The following CDH9 variants were observed in gnomAD, a reference collection of about 807,000 sequenced individuals.
The protein encoded by CDH9 is cadherin-9.
Under a neutral mutation model 70.9 loss-of-function variants are expected in CDH9, and 28 were observed. The ratio of observed to expected loss-of-function variants is 0.40; its 90% CI spans 0.29 to 0.54. The LOEUF is 0.54. Among genes scored for constraint, CDH9 ranks in the 20% least tolerant of loss-of-function variants. The probability of loss-of-function intolerance (pLI) is 0.59; values close to 1 mark genes in which losing one functional copy is unlikely to be tolerated. For missense variants in CDH9, 874 were observed against 984.4 expected, an observed-to-expected ratio of 0.89 and a Z score of 1.50; for synonymous variants, 409 against 343.1, an observed-to-expected ratio of 1.19 and a Z score of -2.12.
At position 26,977,508 on chromosome 5, in the gene CDH9, T is replaced by C. The variant is rs745780597; in HGVS notation, c.228+10598A>G. ...GTGTATATATATATATATATATATA[T>C]GGCACTAAATAATAACCAGGAGCAA... On this transcript the variant is annotated intron_variant, in intron 2 of 11. Transcript: ENST00000231021. Among the ~76,000 whole-genome samples, 134 of 150,586 alleles carry C rather than the reference T, an allele frequency of 8.9e-4. 2 individuals carry two copies. Among genetic ancestry groups the C allele is most frequent in the Non-Finnish European group, 3.1e-4 (21 of 67,692 alleles).
rs999694354 is a variant in CDH9 at position 26,930,371 on chromosome 5, C to T, written c.229-14447G>A. On this transcript the variant is annotated intron_variant, in intron 2 of 11. Transcript: ENST00000231021. ...TATAGATGGAGGATTGGTTTCAGGG[C>T]TCTATATATGCCAAAATTCAAGCAT... Among the ~76,000 whole-genome samples, 7 of 151,916 alleles carry T rather than the reference C, an allele frequency of 4.6e-5. 1 individual carries two copies. In the East Asian group the frequency reaches 1.4e-3, roughly 29 times the overall value.
intron 1 of CDH9, among the ~76,000 whole-genome samples, chr5:27,035,678 G>A (rs959803649): frequency 7.3e-5 from 2 of 27,402 alleles, no homozygotes; most frequent in African/African-American, 1.9e-4. Flanking sequence ...CTATTGACGT[G>A]TGTGTGTGTG....
rs181362135 is a variant in CDH9 at position 27,033,608 on chromosome 5, C to A, written c.-50+4855G>T. ...ACAGGAAACTGTTACATTTCCTCTGCGGTTTACTTACCATTAAAATTTAAA... is the reference window on the plus strand; with the variant it reads ...ACAGGAAACTGTTACATTTCCTCTGAGGTTTACTTACCATTAAAATTTAAA... On this transcript the variant is annotated intron_variant, in intron 1 of 11. Coordinates refer to ENST00000231021, the MANE Select transcript of CDH9 (RefSeq NM_016279.4). Among the ~76,000 whole-genome samples, 4 of 151,090 alleles carry A rather than the reference C, an allele frequency of 2.6e-5. No individual in the cohort carries two copies. In the East Asian group the frequency reaches 5.9e-4, roughly 22 times the overall value.
In CDH9 at chr5:26,914,419, A is replaced by G. The variant is rs182873151; in HGVS notation, c.523+1211T>C. On this transcript the variant is annotated intron_variant, in intron 3 of 11. Transcript: ENST00000231021. The stretch of plus-strand genomic sequence containing the variant: ...CCAATCTAGTACTTTCCATGCAACT[A>G]AGATACTAAAAAATATAACAGGGAA... Among the ~76,000 whole-genome samples the G allele has an allele frequency of 3.8e-3, 575 of 152,092 alleles. 3 individuals carry two copies. The highest frequency in any genetic ancestry group is 0.013 in the African/African-American group (552 of 41,558).
intron 2 of CDH9, among the ~76,000 whole-genome samples, chr5:26,982,532 C>T (rs1201019035): frequency 1.3e-5 from 2 of 151,984 alleles, no homozygotes; most frequent in South Asian, 2.1e-4. Flanking sequence ...AAAATAGTAG[C>T]TAAATATTAA....
chr5:26,911,712 C>A lies in CDH9; in HGVS notation c.523+3918G>T, dbSNP rs115591986. ...AGAAATAGAAATGGAAAATACAAAA[C>A]ATTGTAATCAAAGTGTATCCCATTA... is the stretch of plus-strand genomic sequence containing the variant. On this transcript the variant is annotated intron_variant, in intron 3 of 11. Transcript: ENST00000231021. Among the ~76,000 whole-genome samples the A allele has an allele frequency of 5.4e-3, 814 of 152,038 alleles. 8 individuals are homozygous for A. Among genetic ancestry groups the A allele is most frequent in the African/African-American group, 0.019 (783 of 41,456 alleles).
chr5:26,968,563 T>C (rs1467041613), intron 2 of CDH9, among the ~76,000 whole-genome samples: 1 of 152,092 alleles, frequency 6.6e-6, no homozygotes, highest in Non-Finnish European at 1.5e-5. Flanking sequence ...TGAGGGTACA[T>C]TTTTAAAAAT....
At chr5:26,997,358 C>T (rs1221909634) in intron 1 of CDH9, among the ~76,000 whole-genome samples, 1 of 151,832 alleles carries the variant, frequency 6.6e-6, no homozygotes, top group East Asian at 1.9e-4. Flanking sequence ...TGGATTGGCC[C>T]CTTGAATGGA....
At chr5:27,012,203 A>G (rs868527579) in intron 1 of CDH9, among the ~76,000 whole-genome samples, 2 of 151,934 alleles carry the variant, frequency 1.3e-5, no homozygotes, top group Non-Finnish European at 2.9e-5. Context: ...ATTACTTAAA[A>G]TATGTAATTC....
intron 1 of CDH9, among the ~76,000 whole-genome samples, chr5:26,997,891 T>C (rs1579503235): frequency 6.6e-6 from 1 of 151,902 alleles, no homozygotes; most frequent in Admixed American, 6.6e-5. Context: ...GTAGAGAAGG[T>C]GTTTCACCAT....
Position 26,934,541 on chromosome 5 carries a change from T to C in CDH9, c.229-18617A>G, listed in dbSNP as rs80219408. On this transcript the variant is annotated intron_variant, in intron 2 of 11. Transcript: ENST00000231021. ...GTCATTAGTGAGGGGCTTGCCTCCT[T>C]GATCTAATCACCTCCCACCAGGCCC... Among the ~76,000 whole-genome samples the C allele has an allele frequency of 4.4e-3, 667 of 152,238 alleles. 3 individuals carry two copies. Among genetic ancestry groups the C allele is most frequent in the African/African-American group, 0.014 (599 of 41,564 alleles).
chr5:27,020,641 T>C (rs1200111993), intron 1 of CDH9, among the ~76,000 whole-genome samples: 3 of 151,572 alleles, frequency 2.0e-5, no homozygotes, highest in Non-Finnish European at 4.4e-5. Flanking sequence ...ACTTTTGTTT[T>C]ATACATCTTG....
At chr5:27,023,193 T>C (rs1362159057) in intron 1 of CDH9, among the ~76,000 whole-genome samples, 1 of 152,092 alleles carries the variant, frequency 6.6e-6, no homozygotes, top group Non-Finnish European at 1.5e-5. Flanking sequence ...GTAATGTATA[T>C]GGTGGAGTGT....
Position 26,941,648 on chromosome 5 carries a change from A to G in CDH9, c.229-25724T>C, listed in dbSNP as rs534632348. The stretch of plus-strand genomic sequence containing the variant: ...AGCCCCTGCAACAGAAACTGTTACA[A>G]TATCTCCAAATCTTTCACAGAGCAG... On this transcript the variant is annotated intron_variant, in intron 2 of 11. Coordinates refer to ENST00000231021, the MANE Select transcript of CDH9 (RefSeq NM_016279.4). Among the ~76,000 whole-genome samples, 13 of 152,344 alleles carry G rather than the reference A, an allele frequency of 8.5e-5. No individual in the cohort carries two copies. In the South Asian group the frequency reaches 2.7e-3, roughly 32 times the overall value.
At position 26,925,835 on chromosome 5, in the gene CDH9, G is replaced by T. The variant is rs951598311; in HGVS notation, c.229-9911C>A. Reference sequence around the variant, plus strand: ...CTTTCCCCATTTCCTGTTTTTGTCAGGTTTGTCACATGATTATCTCAATAG... The same window carrying T: ...CTTTCCCCATTTCCTGTTTTTGTCATGTTTGTCACATGATTATCTCAATAG... On this transcript the variant is annotated intron_variant, in intron 2 of 11. Transcript: ENST00000231021. Among the ~76,000 whole-genome samples the T allele has an allele frequency of 3.3e-5, 5 of 151,802 alleles. No individual in the cohort carries two copies. In the East Asian group the frequency reaches 5.8e-4, roughly 18 times the overall value.
At chr5:26,932,095 G>A (rs180722575) in intron 2 of CDH9, among the ~76,000 whole-genome samples, 1 of 151,222 alleles carries the variant, frequency 6.6e-6, no homozygotes, top group African/African-American at 2.4e-5. Flanking sequence ...TGATTATTTA[G>A]AAGTGTTATT....
At chr5:27,001,842 ACACTCTCTCT>A (rs959266539) in intron 1 of CDH9, among the ~76,000 whole-genome samples, 3 of 125,866 alleles carry the variant, frequency 2.4e-5, no homozygotes, top group African/African-American at 9.3e-5. Context: ...ACACACACAC[ACACTCTCTCT>A]CTCTCTCTCT....
chr5:27,027,801 A>C (rs1743244610), intron 1 of CDH9, among the ~76,000 whole-genome samples: 1 of 152,032 alleles, frequency 6.6e-6, no homozygotes, highest in African/African-American at 2.4e-5. Context: ...ATGGGTCTCC[A>C]CATGCATGGG....
At chr5:26,971,016 G>C (rs1332301849) in intron 2 of CDH9, among the ~76,000 whole-genome samples, 1 of 152,132 alleles carries the variant, frequency 6.6e-6, no homozygotes, top group African/African-American at 2.4e-5. Context: ...TTCTGACATA[G>C]AAGGGGCCAT....
Sources: allele counts gnomAD v4.1 joint callset (sites outside exome capture counted in the v4.1 genomes callset), GRCh38; gene constraint gnomAD v4.1.1; transcripts MANE v1.5; gene names NCBI Gene and HGNC (gene_info 2026-07-23, HGNC 2026-07-21).